The following UCHL3 variants were observed in gnomAD, a reference collection of about 807,000 sequenced individuals.
UCHL3 encodes the protein ubiquitin C-terminal hydrolase L3.
UCHL3 carries 22 observed loss-of-function variants against 35.8 expected under a neutral mutation model. The observed-to-expected ratio is 0.61, with a 90% confidence interval of 0.44 to 0.88. The LOEUF (loss-of-function observed/expected upper bound fraction) is 0.88, where lower values mean the gene tolerates loss of function less well. Ranked by LOEUF, UCHL3 falls within the 40% of genes least tolerant of loss-of-function variation. The pLI is 0.00. For missense variants in UCHL3, 229 were observed against 276.9 expected (o/e 0.83, Z 1.23); for synonymous variants, 90 against 92.8 (o/e 0.97, Z 0.17).
intron 4 of UCHL3, 39 bp downstream of exon 4, chr13:75,566,890 G>T: frequency 6.4e-7 from 1 of 1,559,708 alleles, no homozygotes; most frequent in Non-Finnish European, 8.7e-7. Context: ...TCCCCCTTAA[G>T]ATACAAGTTA....
intron 4 of UCHL3, 129 bp downstream of exon 4, chr13:75,566,980 G>A (rs1266728192): frequency 7.3e-6 from 8 of 1,095,222 alleles, no homozygotes; most frequent in South Asian, 1.7e-5. Context: ...TTGATGATGG[G>A]AATGTATATA....
intron 3 of UCHL3, among the ~76,000 whole-genome samples, chr13:75,565,578 C>G (rs1278243723): frequency 6.6e-6 from 1 of 152,144 alleles, no homozygotes; most frequent in Admixed American, 6.5e-5. Flanking sequence ...ATATTTTCAG[C>G]TTTGCAGGCC....
intron 6 of UCHL3, among the ~76,000 whole-genome samples, chr13:75,585,122 A>G (rs961375590): frequency 6.6e-6 from 1 of 152,090 alleles, no homozygotes; most frequent in Non-Finnish European, 1.5e-5. Flanking sequence ...ATGGCCAACT[A>G]TTTTCCAAAA....
In UCHL3 at chr13:75,606,004, T is replaced by A. The variant is rs2032935712; in HGVS notation, c.*192T>A. 1.8e-6 allele frequency: 1 copy of A among 541,678 alleles called. No homozygotes were observed. The highest frequency in any genetic ancestry group is 1.9e-5 in the African/African-American group (1 of 53,412). 33.6% of individuals were successfully genotyped at this position (541,678 alleles called of 1,614,324 possible). ...GGTGCAATGCTTTCCTCCTCTTTTC[T>A]TGTGAAGGATTTATCTTGTTTGAAA... On this transcript the variant is annotated 3_prime_UTR_variant, in exon 9 of 9. Coordinates refer to ENST00000377595, the MANE Select transcript of UCHL3 (RefSeq NM_006002.5).
intron 3 of UCHL3, among the ~76,000 whole-genome samples, chr13:75,564,686 A>T (rs2031629314): frequency 6.6e-6 from 1 of 151,724 alleles, no homozygotes; most frequent in Non-Finnish European, 1.5e-5. Flanking sequence ...ACCATCAATG[A>T]TAGTGTTGTG....
chr13:75,551,795 G>A (rs34879505), intron 2 of UCHL3, among the ~76,000 whole-genome samples: 166 of 152,258 alleles, frequency 1.1e-3, no homozygotes, highest in African/African-American at 3.9e-3. Flanking sequence ...CTTGTTTCTA[G>A]GGTGTCTTGA....
intron 6 of UCHL3, among the ~76,000 whole-genome samples, chr13:75,570,565 C>T (rs2031824169): frequency 6.6e-6 from 1 of 152,142 alleles, no homozygotes; most frequent in Non-Finnish European, 1.5e-5. Flanking sequence ...TAAAAGATGA[C>T]ATTGCCTTTA....
intron 2 of UCHL3, among the ~76,000 whole-genome samples, chr13:75,555,583 G>A (rs543454028): frequency 5.6e-4 from 85 of 151,494 alleles, no homozygotes; most frequent in African/African-American, 2.0e-3. Flanking sequence ...TCAATGAGCA[G>A]CATTCTATCT....
intron 6 of UCHL3, among the ~76,000 whole-genome samples, chr13:75,572,431 G>A (rs150977638): frequency 4.1e-4 from 63 of 152,138 alleles, no homozygotes; most frequent in Admixed American, 6.5e-4. Flanking sequence ...TTTACTTGGC[G>A]TTATTCCCAT....
Position 75,605,962 on chromosome 13 carries a change from T to A in UCHL3, c.*150T>A. ...TGCCTTAACCTGTGTTTTATGTTAT[T>A]TTTGCTCCAGGTTAAAGGTGCAATG... On this transcript the variant is annotated 3_prime_UTR_variant, in exon 9 of 9. Transcript: ENST00000377595. 1.5e-6 allele frequency: 1 copy of A among 678,146 alleles called. No individual in the cohort carries two copies. The highest frequency in any genetic ancestry group is 2.4e-6 in the Non-Finnish European group (1 of 413,156). The allele number at this position is 678,146 out of a possible 1,614,324, so 42.0% of individuals were successfully genotyped here. A position where few individuals can be genotyped will look rare whatever the true frequency, so the allele number is the denominator to read the frequency against.
At chr13:75,601,474 C>T (rs975770931) in intron 7 of UCHL3, among the ~76,000 whole-genome samples, 6 of 152,238 alleles carry the variant, frequency 3.9e-5, no homozygotes, top group South Asian at 2.1e-4. Context: ...GAGATATCAA[C>T]ATCAAAGCAA....
chr13:75,576,766 T>C (rs1158852238), intron 6 of UCHL3, among the ~76,000 whole-genome samples: 3 of 152,214 alleles, frequency 2.0e-5, no homozygotes, highest in Non-Finnish European at 4.4e-5. Context: ...GTGTTGGTTG[T>C]GTGTGTTATT....
intron 6 of UCHL3, among the ~76,000 whole-genome samples, chr13:75,571,230 T>C (rs914249709): frequency 2.0e-4 from 30 of 152,218 alleles, no homozygotes; most frequent in African/African-American, 7.0e-4. Context: ...TTAATACATA[T>C]TCACTACAAA....
intron 5 of UCHL3, among the ~76,000 whole-genome samples, chr13:75,567,719 T>C (rs925262490): frequency 3.9e-5 from 6 of 152,094 alleles, no homozygotes; most frequent in Admixed American, 3.9e-4. Context: ...GGCTAATTTT[T>C]GTATTTTTAG....
intron 6 of UCHL3, among the ~76,000 whole-genome samples, chr13:75,579,711 C>T (rs1246456556): frequency 1.3e-5 from 2 of 152,226 alleles, no homozygotes; most frequent in South Asian, 2.1e-4. Flanking sequence ...CTAGATGAAA[C>T]TCGTCTAAGA....
intron 6 of UCHL3, among the ~76,000 whole-genome samples, chr13:75,574,880 C>A (rs184135882): frequency 6.6e-6 from 1 of 152,100 alleles, no homozygotes; most frequent in Non-Finnish European, 1.5e-5. Flanking sequence ...AGAGCTCAGG[C>A]GAGATATCTG....
intron 3 of UCHL3, among the ~76,000 whole-genome samples, chr13:75,564,888 G>T (rs1468111795): frequency 6.6e-6 from 1 of 152,000 alleles, no homozygotes; most frequent in Admixed American, 6.6e-5. Flanking sequence ...TAGAGACGGG[G>T]TTTCACCATG....
At chr13:75,596,557 A>C (rs186931228) in intron 7 of UCHL3, among the ~76,000 whole-genome samples, 96 of 152,348 alleles carry the variant, frequency 6.3e-4, no homozygotes, top group African/African-American at 1.9e-3. Flanking sequence ...TCAAGAAAGT[A>C]GATTTGGCCA....
intron 6 of UCHL3, among the ~76,000 whole-genome samples, chr13:75,593,079 A>G (rs1380541477): frequency 1.3e-5 from 2 of 152,146 alleles, no homozygotes; most frequent in Non-Finnish European, 2.9e-5. Context: ...AAGATGTGTA[A>G]TTCTTAAGAA....
Sources: gnomAD v4.1 joint callset for allele counts (sites outside exome capture counted in the v4.1 genomes callset) on GRCh38, gnomAD v4.1.1 for gene constraint, MANE v1.5 for transcripts, NCBI Gene and HGNC (gene_info 2026-07-23, HGNC 2026-07-21) for gene names.